DEPTOR: variants seen among roughly 807,000 people sequenced by gnomAD.
DEPTOR encodes the protein DEP domain-containing mTOR-interacting protein.
Under a neutral mutation model 41.6 loss-of-function variants are expected in DEPTOR, and 41 were observed. The ratio of observed to expected loss-of-function variants is 0.98; its 90% CI spans 0.77 to 1.28. The LOEUF is 1.28. Ranked by LOEUF, DEPTOR falls within the 50% of genes most tolerant of loss-of-function variation. The pLI is 0.00. For missense variants in DEPTOR, 514 were observed against 527.9 expected (o/e 0.97, Z 0.26); for synonymous variants, 195 against 192.3 (o/e 1.01, Z -0.12).
chr8:119,939,009 A>G (rs975387600), intron 3 of DEPTOR, among the ~76,000 whole-genome samples: 10 of 148,638 alleles, frequency 6.7e-5, no homozygotes, highest in African/African-American at 2.5e-4. Flanking sequence ...AAGCCATGCA[A>G]AGTTGTCTAG....
intron 1 of DEPTOR, among the ~76,000 whole-genome samples, chr8:119,900,129 GC>G (rs564524478): frequency 3.1e-4 from 47 of 151,878 alleles, no homozygotes; most frequent in African/African-American, 1.1e-3. Flanking sequence ...GACCAGCCTG[GC>G]CAACATGGTA....
At chr8:119,952,135 CAAAAAA>C (rs372128605) in intron 3 of DEPTOR, among the ~76,000 whole-genome samples, 1 of 139,698 alleles carries the variant, frequency 7.2e-6, no homozygotes, top group Non-Finnish European at 1.6e-5. Context: ...AACTCTGTCT[CAAAAAA>C]AAAGAGGAAG....
intron 3 of DEPTOR, among the ~76,000 whole-genome samples, chr8:119,953,636 G>A (rs1828381927): frequency 6.6e-6 from 1 of 151,558 alleles, no homozygotes; most frequent in Admixed American, 6.6e-5. Flanking sequence ...GACAAAAAGG[G>A]TATGATCTAC....
At chr8:119,980,937 T>G (rs933833033) in intron 4 of DEPTOR, among the ~76,000 whole-genome samples, 1 of 152,200 alleles carries the variant, frequency 6.6e-6, no homozygotes, top group Non-Finnish European at 1.5e-5. Flanking sequence ...ACCAGCCACA[T>G]AGGTAACAAC....
At chr8:119,911,613 T>C (rs62528673) in intron 1 of DEPTOR, among the ~76,000 whole-genome samples, 108,784 of 151,642 alleles carry the variant, frequency 0.72, 39,458 homozygotes, top group East Asian at 0.95. Context: ...CCACCGTGCC[T>C]GGCCCCTGCT....
At chr8:119,964,134 C>T (rs1347747662) in intron 3 of DEPTOR, among the ~76,000 whole-genome samples, 8 of 152,106 alleles carry the variant, frequency 5.3e-5, no homozygotes, top group African/African-American at 1.7e-4. Flanking sequence ...AATGCCACCA[C>T]GATGGCTCCA....
intron 8 of DEPTOR, among the ~76,000 whole-genome samples, chr8:120,015,077 A>G (rs1310995305): frequency 4.6e-5 from 7 of 152,148 alleles, no homozygotes; most frequent in African/African-American, 1.7e-4. Context: ...AAGAAAATCT[A>G]ATTAAGTGAC....
chr8:119,988,960 T>TTC (rs1359920104), intron 4 of DEPTOR, among the ~76,000 whole-genome samples: 1 of 79,466 alleles, frequency 1.3e-5, no homozygotes, highest in Admixed American at 1.2e-4. Context: ...TTTTTTTTCT[T>TTC]TTTTTTTTTT....
At chr8:119,999,597 C>T (rs1201525389) in intron 4 of DEPTOR, among the ~76,000 whole-genome samples, 1 of 152,186 alleles carries the variant, frequency 6.6e-6, no homozygotes, top group Admixed American at 6.5e-5. Context: ...GCACTCCAGC[C>T]TGGGCAACAG....
intron 3 of DEPTOR, among the ~76,000 whole-genome samples, chr8:119,931,334 CAG>C (rs1385538637): frequency 6.6e-6 from 1 of 152,170 alleles, no homozygotes; most frequent in African/African-American, 2.4e-5. Flanking sequence ...AAAAGCCAGA[CAG>C]AGTTTGAAGT....
rs1300209301 is a variant in DEPTOR, at chr8:120,049,619, A to G, written c.1145A>G (p.His382Arg). ...TCTGTCAACGGGCTCAATGTCCTGC[A>G]TGTAGACTACCGGACCGTGAGCAAT... The part of the protein sequence containing the change: ...VVSVNGLNVL[H>R]VDYRTVSNLI... Residue 382 changes from histidine (H) to arginine (R), a missense_variant, in exon 9 of 9, where the codon CAT becomes CGT. His to Arg is a conservative substitution (Grantham distance 29). Transcript: ENST00000286234. The G allele has an allele frequency of 3.1e-6, 5 of 1,613,848 alleles. No homozygotes were observed. The highest frequency in any genetic ancestry group is 4.5e-5 in the East Asian group (2 of 44,886).
At chr8:120,018,535 C>T (rs143349767) in intron 8 of DEPTOR, among the ~76,000 whole-genome samples, 2,085 of 152,182 alleles carry the variant, frequency 0.014, 44 homozygotes, top group African/African-American at 0.047. Context: ...ACCAAGATCA[C>T]GCCACTGCGC....
In DEPTOR at chr8:119,930,429, G is replaced by T. The variant is rs531726510; in HGVS notation, c.425+491G>T. 5.7e-3 allele frequency among the ~76,000 whole-genome samples: 867 copies of T among 152,168 alleles called. 10 individuals carry two copies. The highest frequency in any genetic ancestry group is 0.02 in the African/African-American group (830 of 41,524). ...TTTATGTATTTGTAGTAGAGACAGG[G>T]TTTCACCATGTTGGCCAGGCTTTTC... On this transcript the variant is annotated intron_variant, in intron 3 of 8. Transcript: ENST00000286234.
chr8:119,910,479 G>T (rs1297032353), intron 1 of DEPTOR, among the ~76,000 whole-genome samples: 2 of 151,616 alleles, frequency 1.3e-5, no homozygotes, highest in Non-Finnish European at 2.9e-5. Flanking sequence ...TTGAGACAGA[G>T]TCCCGCTCTG....
intron 1 of DEPTOR, among the ~76,000 whole-genome samples, chr8:119,922,247 A>G (rs1827907750): frequency 1.3e-5 from 2 of 151,968 alleles, no homozygotes; most frequent in African/African-American, 2.4e-5. Context: ...CAAAAAAAAA[A>G]AAAAAGATAA....
At chr8:119,940,538 G>T (rs1828188970) in intron 3 of DEPTOR, among the ~76,000 whole-genome samples, 1 of 152,128 alleles carries the variant, frequency 6.6e-6, no homozygotes, top group African/African-American at 2.4e-5. Context: ...CTGAGGTCAG[G>T]AGTTTGAGAC....
chr8:119,885,994 C>A (rs115989943), intron 1 of DEPTOR, among the ~76,000 whole-genome samples: 1 of 151,990 alleles, frequency 6.6e-6, no homozygotes, highest in Non-Finnish European at 1.5e-5. Context: ...AATTTATATA[C>A]AATAAAATAT....
chr8:119,946,006 G>C (rs919475321), intron 3 of DEPTOR, among the ~76,000 whole-genome samples: 2 of 152,166 alleles, frequency 1.3e-5, no homozygotes, highest in South Asian at 2.1e-4. Flanking sequence ...GCAAACCAAG[G>C]CTCCCTCGGT....
chr8:119,972,217 A>G (rs2129991466), intron 4 of DEPTOR, among the ~76,000 whole-genome samples: 1 of 152,342 alleles, frequency 6.6e-6, no homozygotes, highest in Non-Finnish European at 1.5e-5. Context: ...AATAGGTGAA[A>G]TGTATAGAGC....
Sources: gnomAD v4.1 joint callset for allele counts (sites outside exome capture counted in the v4.1 genomes callset) on GRCh38, gnomAD v4.1.1 for gene constraint, MANE v1.5 for transcripts, NCBI Gene and HGNC (gene_info 2026-07-23, HGNC 2026-07-21) for gene names.